The following NSUN3 variants were observed in gnomAD, a reference collection of about 807,000 sequenced individuals.
NSUN3 encodes the protein tRNA (cytosine(34)-C(5))-methyltransferase, mitochondrial.
NSUN3 carries 24 observed loss-of-function variants against 36.8 expected under a neutral mutation model. That is an observed-to-expected ratio of 0.65 (90% confidence interval 0.47 to 0.92). The LOEUF (loss-of-function observed/expected upper bound fraction) is 0.92, where lower values mean the gene tolerates loss of function less well. Ranked by LOEUF, NSUN3 falls within the 40% of genes least tolerant of loss-of-function variation. NSUN3 has a pLI of 0.00. For synonymous variants in NSUN3, 146 were observed against 145.2 expected, an observed-to-expected ratio of 1.01 and a Z score of -0.04; for missense variants, 381 against 392.8, an observed-to-expected ratio of 0.97 and a Z score of 0.25.
Position 94,096,621 on chromosome 3 carries a change from C to T in NSUN3, c.743+1467C>T, listed in dbSNP as rs116610627. The stretch of plus-strand genomic sequence containing the variant: ...TCAAGCGATTCTCATGCCTCAGCCC[C>T]CCAAGTGGCTGGGATTATAGGTGCC... On this transcript the variant is annotated intron_variant, in intron 5 of 5. Transcript: ENST00000314622. Among the ~76,000 whole-genome samples the T allele has an allele frequency of 7.4e-3, 1,127 of 152,282 alleles. 12 individuals carry two copies. The highest frequency in any genetic ancestry group is 0.011 in the Non-Finnish European group (741 of 68,022).
intron 5 of NSUN3, among the ~76,000 whole-genome samples, chr3:94,125,951 T>C (rs930904445): frequency 6.6e-6 from 1 of 151,988 alleles, no homozygotes; most frequent in Non-Finnish European, 1.5e-5. Context: ...TCCCAGCTAC[T>C]TGGGAGGCTG....
intron 5 of NSUN3, among the ~76,000 whole-genome samples, chr3:94,125,957 G>A (rs962418444): frequency 6.6e-6 from 1 of 152,040 alleles, no homozygotes; most frequent in Non-Finnish European, 1.5e-5. Flanking sequence ...CTACTTGGGA[G>A]GCTGAGGCAG....
At chr3:94,116,984 ACTT>A (rs1245387812) in intron 5 of NSUN3, among the ~76,000 whole-genome samples, 7 of 128,438 alleles carry the variant, frequency 5.5e-5, no homozygotes, top group African/African-American at 2.0e-4. Context: ...ATCTGCCACA[ACTT>A]TTTTTTTTTT....
rs2077506238 is a variant in NSUN3 at position 94,130,815 on chromosome 3, G to T, written c.*4325G>T. ...AAACCTCTTCCTAGCCACACAGTGGGAGCCTTGTTTGACCTTTTTTAACCT... is the reference window on the plus strand; with the variant it reads ...AAACCTCTTCCTAGCCACACAGTGGTAGCCTTGTTTGACCTTTTTTAACCT... On this transcript the variant is annotated 3_prime_UTR_variant, in exon 6 of 6. Coordinates refer to ENST00000314622, the MANE Select transcript of NSUN3 (RefSeq NM_022072.5). 6.6e-6 allele frequency among the ~76,000 whole-genome samples: 1 copy of T among 152,138 alleles called. No individual in the cohort carries two copies. Among genetic ancestry groups the T allele is most frequent in the South Asian group, 2.1e-4 (1 of 4,830 alleles).
At chr3:94,121,934 C>G (rs1441575395) in intron 5 of NSUN3, among the ~76,000 whole-genome samples, 1 of 151,660 alleles carries the variant, frequency 6.6e-6, no homozygotes, top group African/African-American at 2.4e-5. Flanking sequence ...CACCTGAGGT[C>G]AGGAGTTTGA....
chr3:94,070,989 A>C (rs1219412843), intron 2 of NSUN3, among the ~76,000 whole-genome samples: 1 of 152,246 alleles, frequency 6.6e-6, no homozygotes, highest in East Asian at 1.9e-4. Context: ...ATAACAAAAT[A>C]TATTTAATTC....
chr3:94,075,062 CAT>C (rs1273267117), intron 2 of NSUN3, among the ~76,000 whole-genome samples: 3 of 151,958 alleles, frequency 2.0e-5, no homozygotes, highest in African/African-American at 4.8e-5. Context: ...TTGAGATAAT[CAT>C]GTGGTTTTTG....
chr3:94,110,476 G>A (rs2077411669), intron 5 of NSUN3, among the ~76,000 whole-genome samples: 3 of 151,974 alleles, frequency 2.0e-5, no homozygotes, highest in Admixed American at 2.0e-4. Context: ...CACACAGAGA[G>A]CATTCCTGAG....
intron 5 of NSUN3, 94 bp downstream of exon 5, chr3:94,095,248 G>A (rs1256864340): frequency 1.8e-5 from 22 of 1,207,494 alleles, no homozygotes; most frequent in Non-Finnish European, 2.4e-5. Context: ...AGGGCTTGCT[G>A]TGTAGGTGTC....
chr3:94,081,771 A>G (rs2077269974), intron 2 of NSUN3: 1 of 152,224 alleles, frequency 6.6e-6, no homozygotes, highest in Non-Finnish European at 1.5e-5. Flanking sequence ...ATGGAGAAAC[A>G]TATTGTGATC....
chr3:94,107,147 TCTCAAACTCCTGGG>T (rs767002496), intron 5 of NSUN3, among the ~76,000 whole-genome samples: 91 of 152,298 alleles, frequency 6.0e-4, no homozygotes, highest in Non-Finnish European at 1.1e-3. Context: ...CTCAGGCTGG[TCTCAAACTCCTGGG>T]CTCAAGCGAT....
In NSUN3 at chr3:94,099,663, T is replaced by G. The variant is rs546628662; in HGVS notation, c.743+4509T>G. Among the ~76,000 whole-genome samples the G allele has an allele frequency of 7.6e-4, 115 of 152,036 alleles. 1 individual carries two copies. Among genetic ancestry groups the G allele is most frequent in the African/African-American group, 2.7e-3 (113 of 41,450 alleles). Reference sequence around the variant, plus strand: ...TGATTATGATGACAAAGGGGAGAGATTAAGATATCCAAGCTATAGGCAGAG... The same window carrying G: ...TGATTATGATGACAAAGGGGAGAGAGTAAGATATCCAAGCTATAGGCAGAG... On this transcript the variant is annotated intron_variant, in intron 5 of 5. Coordinates refer to ENST00000314622, the MANE Select transcript of NSUN3 (RefSeq NM_022072.5).
intron 2 of NSUN3, chr3:94,076,968 AC>A: frequency 1.0e-6 from 1 of 969,174 alleles, no homozygotes; most frequent in Non-Finnish European, 1.7e-6. Flanking sequence ...GTGTGTGTGT[AC>A]CCAGGACAAG....
At chr3:94,063,518 C>T (rs868145190) in intron 1 of NSUN3, 5 of 236,184 alleles carry the variant, frequency 2.1e-5, no homozygotes, top group South Asian at 1.4e-4. Flanking sequence ...AGTGACTTTT[C>T]TCCCTAAATT....
At chr3:94,070,162 A>G (rs2077219292) in intron 2 of NSUN3, among the ~76,000 whole-genome samples, 1 of 152,178 alleles carries the variant, frequency 6.6e-6, no homozygotes, top group African/African-American at 2.4e-5. Flanking sequence ...TGACAAGAAG[A>G]TAATATACGA....
intron 2 of NSUN3, among the ~76,000 whole-genome samples, chr3:94,077,421 A>G (rs1226629994): frequency 6.6e-6 from 1 of 152,146 alleles, no homozygotes; most frequent in African/African-American, 2.4e-5. Context: ...TGTCTCTGCC[A>G]GGTTTTTGTG....
intron 5 of NSUN3, among the ~76,000 whole-genome samples, chr3:94,110,792 A>G (rs1420717420): frequency 1.3e-5 from 2 of 151,904 alleles, no homozygotes; most frequent in Non-Finnish European, 2.9e-5. Context: ...ACACACATAT[A>G]TATGTATGCA....
chr3:94,072,756 AGAGT>A (rs945516275), intron 2 of NSUN3, among the ~76,000 whole-genome samples: 18 of 152,116 alleles, frequency 1.2e-4, no homozygotes, highest in African/African-American at 4.3e-4. Flanking sequence ...AGAATGAGAT[AGAGT>A]AATTTCTGAA....
chr3:94,069,944 G>T (rs1056241727), intron 2 of NSUN3, among the ~76,000 whole-genome samples: 1 of 151,994 alleles, frequency 6.6e-6, no homozygotes, highest in African/African-American at 2.4e-5. Context: ...AGTTATTCTT[G>T]TGTACCATCT....
Sources: allele counts gnomAD v4.1 joint callset (sites outside exome capture counted in the v4.1 genomes callset), GRCh38; gene constraint gnomAD v4.1.1; transcripts MANE v1.5; gene names NCBI Gene and HGNC (gene_info 2026-07-23, HGNC 2026-07-21).